TMEM132B: variants seen among roughly 807,000 people sequenced by gnomAD.
The protein encoded by TMEM132B is transmembrane protein 132B.
TMEM132B carries 18 observed loss-of-function variants against 90.8 expected under a neutral mutation model. That is an observed-to-expected ratio of 0.20 (90% CI 0.14 to 0.29). The LOEUF (loss-of-function observed/expected upper bound fraction) is 0.29. Among genes scored for constraint, TMEM132B ranks in the 10% least tolerant of loss-of-function variants. The pLI is 1.00. For synonymous variants in TMEM132B, 504 were observed against 523.3 expected (o/e 0.96, Z 0.50); for missense variants, 1,096 against 1,326.8 (o/e 0.83, Z 2.70).
rs547462384 is a variant in TMEM132B at position 125,376,844 on chromosome 12, C to T, written c.959+26501C>T. 2.0e-5 allele frequency among the ~76,000 whole-genome samples: 3 copies of T among 152,364 alleles called. No homozygotes were observed. In the South Asian group the frequency reaches 6.2e-4, roughly 32 times the overall value. On this transcript the variant is annotated intron_variant, in intron 2 of 8. Coordinates refer to ENST00000682704, the MANE Select transcript of TMEM132B (RefSeq NM_001366854.1). ...TGAGCCAGTGCCCCCAGGCACATCA[C>T]AGTGATCTGAAAGCAGATCTATGTG...
chr12:125,236,680 C>T (rs1229781983), intron 1 of TMEM132B, among the ~76,000 whole-genome samples: 1 of 152,200 alleles, frequency 6.6e-6, no homozygotes. Flanking sequence ...CTGCAGAAGC[C>T]CATCCAGCCT....
chr12:125,336,642 A>AGG (rs1180841677), intron 1 of TMEM132B, among the ~76,000 whole-genome samples: 11 of 152,222 alleles, frequency 7.2e-5, no homozygotes, highest in African/African-American at 2.7e-4. Flanking sequence ...ACATTCCTAT[A>AGG]CATGCAGTTG....
rs1022204396 is a variant in TMEM132B, at chr12:125,490,931, T to C, written c.1107-28508T>C. On this transcript the variant is annotated intron_variant, in intron 3 of 8. Transcript: ENST00000682704. The surrounding 1 kb of genome is among the most constrained non-coding windows in gnomAD (Gnocchi z 4.2). ...TTCTGGAGGAAGTTAGCTACCATGG[T>C]GTAAGGACACTCAAGCAGCTTTATG... 6.6e-6 allele frequency among the ~76,000 whole-genome samples: 1 copy of C among 152,180 alleles called. No homozygotes were observed. The highest frequency in any genetic ancestry group is 2.1e-4 in the South Asian group (1 of 4,826).
chr12:125,569,071 G>A (rs1317849912), intron 4 of TMEM132B, among the ~76,000 whole-genome samples: 1 of 152,072 alleles, frequency 6.6e-6, no homozygotes, highest in Non-Finnish European at 1.5e-5. Flanking sequence ...TGTAAAGTGG[G>A]GTAATGACAG....
chr12:125,589,218 C>G (rs560774860), intron 5 of TMEM132B, among the ~76,000 whole-genome samples: 4 of 152,150 alleles, frequency 2.6e-5, no homozygotes, highest in South Asian at 4.2e-4. Context: ...CACGGTGGCT[C>G]ACGCCTGTAA....
At chr12:125,634,284 G>T (rs900956100) in intron 5 of TMEM132B, among the ~76,000 whole-genome samples, 1 of 152,154 alleles carries the variant, frequency 6.6e-6, no homozygotes, top group Admixed American at 6.5e-5. Context: ...CAGTCAGCTT[G>T]TAGTGAAGGC....
At chr12:125,446,143 G>A (rs557723718) in intron 3 of TMEM132B, among the ~76,000 whole-genome samples, 17 of 152,144 alleles carry the variant, frequency 1.1e-4, no homozygotes, top group Non-Finnish European at 2.5e-4. Context: ...CCCCATTATA[G>A]TTAATAGTTA....
intron 5 of TMEM132B, chr12:125,586,646 T>G: frequency 6.6e-6 from 1 of 152,402 alleles, no homozygotes; most frequent in East Asian, 1.9e-4. Flanking sequence ...ATCCATGCTG[T>G]AGATACCACC....
Position 125,618,703 on chromosome 12 carries a change from A to G in TMEM132B, c.1438-25373A>G, listed in dbSNP as rs537935782. On this transcript the variant is annotated intron_variant, in intron 5 of 8. Transcript: ENST00000682704. ...TTTTAAAGAATACAAATTTTCTCCA[A>G]TTATGATTGTTTTGGTGGAGAGTGG... Among the ~76,000 whole-genome samples, 5 of 152,234 alleles carry G rather than the reference A, an allele frequency of 3.3e-5. No homozygotes were observed. The South Asian group carries it at 1.0e-3, about 32-fold the overall frequency.
intron 2 of TMEM132B, among the ~76,000 whole-genome samples, chr12:125,367,949 T>G (rs1305712197): frequency 6.6e-6 from 1 of 152,188 alleles, no homozygotes; most frequent in Non-Finnish European, 1.5e-5. Flanking sequence ...TATTGTGTTA[T>G]CAAATATTAG....
chr12:125,601,133 G>T (rs1885559944), intron 5 of TMEM132B, among the ~76,000 whole-genome samples: 1 of 152,124 alleles, frequency 6.6e-6, no homozygotes, highest in Admixed American at 6.5e-5. Flanking sequence ...AACATCTACA[G>T]AACTCTCCAC....
intron 3 of TMEM132B, among the ~76,000 whole-genome samples, chr12:125,504,339 T>G (rs995509551): frequency 6.6e-6 from 1 of 152,226 alleles, no homozygotes; most frequent in Non-Finnish European, 1.5e-5. Flanking sequence ...TTTGTTTTTT[T>G]AATATCTCAA....
At chr12:125,269,974 G>C (rs991659947) in intron 1 of TMEM132B, among the ~76,000 whole-genome samples, 1 of 151,748 alleles carries the variant, frequency 6.6e-6, no homozygotes, top group Non-Finnish European at 1.5e-5. Context: ...GAGCCCAGGA[G>C]TTCGAGGCTG....
In TMEM132B at chr12:125,311,703, C is replaced by A. The variant is rs565161029; in HGVS notation, c.68-37749C>A. Among the ~76,000 whole-genome samples, 6 of 152,314 alleles carry A rather than the reference C, an allele frequency of 3.9e-5. No individual in the cohort carries two copies. In the South Asian group the frequency reaches 1.2e-3, roughly 32 times the overall value. On this transcript the variant is annotated intron_variant, in intron 1 of 8. Coordinates refer to ENST00000682704, the MANE Select transcript of TMEM132B (RefSeq NM_001366854.1). Reference sequence around the variant, plus strand: ...AAAATGCAAATCATAGCCCACTATGCCTCTGCACAGAACCCCAACCAAACA... The same window carrying A: ...AAAATGCAAATCATAGCCCACTATGACTCTGCACAGAACCCCAACCAAACA...
intron 2 of TMEM132B, among the ~76,000 whole-genome samples, chr12:125,405,557 A>G (rs1879446740): frequency 6.6e-6 from 1 of 152,174 alleles, no homozygotes; most frequent in African/African-American, 2.4e-5. Context: ...GTCAATGGCA[A>G]AGCCAGGACC....
intron 5 of TMEM132B, among the ~76,000 whole-genome samples, chr12:125,592,895 T>C (rs1885351903): frequency 2.0e-5 from 3 of 152,210 alleles, no homozygotes; most frequent in South Asian, 2.1e-4. Flanking sequence ...AATTTCTGCA[T>C]TGGTGCGTAT....
intron 4 of TMEM132B, among the ~76,000 whole-genome samples, chr12:125,575,303 T>C (rs1228587898): frequency 1.3e-5 from 2 of 151,476 alleles, no homozygotes; most frequent in African/African-American, 4.8e-5. Flanking sequence ...GGTTTACATT[T>C]CCTTAATGAA....
chr12:125,593,932 A>G (rs1439455970), intron 5 of TMEM132B, among the ~76,000 whole-genome samples: 2 of 152,218 alleles, frequency 1.3e-5, no homozygotes, highest in African/African-American at 2.4e-5. Context: ...TAAACTTCAC[A>G]TATTAAAGTC....
chr12:125,271,647 C>T (rs190133402), intron 1 of TMEM132B, among the ~76,000 whole-genome samples: 1 of 152,240 alleles, frequency 6.6e-6, no homozygotes, highest in Non-Finnish European at 1.5e-5. Context: ...AATTGCAAAC[C>T]TACTATGTGC....
Sources: gnomAD v4.1 joint callset for allele counts (sites outside exome capture counted in the v4.1 genomes callset) on GRCh38, gnomAD v4.1.1 for gene constraint, Gnocchi (gnomAD v3.1) non-coding constraint, MANE v1.5 for transcripts, NCBI Gene and HGNC (gene_info 2026-07-23, HGNC 2026-07-21) for gene names.